ACVR2B: variants seen among roughly 807,000 people sequenced by gnomAD.
ACVR2B encodes the protein activin receptor type-2B.
Under a neutral mutation model 65.1 loss-of-function variants are expected in ACVR2B, and 18 were observed. The ratio of observed to expected loss-of-function variants is 0.28; its 90% CI spans 0.19 to 0.41. The LOEUF (loss-of-function observed/expected upper bound fraction) is 0.41, where lower values mean the gene tolerates loss of function less well. Ranked by LOEUF, ACVR2B falls within the 10% of genes least tolerant of loss-of-function variation. The pLI is 1.00. For missense variants in ACVR2B, 482 were observed against 682.7 expected (o/e 0.71, Z 3.28); for synonymous variants, 298 against 277.7 (o/e 1.07, Z -0.73).
intron 1 of ACVR2B, among the ~76,000 whole-genome samples, chr3:38,469,307 C>T (rs948594823): frequency 6.6e-6 from 1 of 152,144 alleles, no homozygotes; most frequent in Non-Finnish European, 1.5e-5. Flanking sequence ...ACTGCTGATT[C>T]CTTGGGGACT....
Position 38,477,162 on chromosome 3 carries a change from T to TG in ACVR2B, c.53-123dup. ...ACGTCCAGGGGTGAGTGCAGGAGGT[T>TG]GGTGACCCCAACCCACCACCCGGCC... On this transcript the variant is annotated intron_variant, in intron 1 of 10. Coordinates refer to ENST00000352511, the MANE Select transcript of ACVR2B (RefSeq NM_001106.4). The surrounding 1 kb of genome is among the most constrained non-coding windows in gnomAD (Gnocchi z 6.7). The TG allele has an allele frequency of 9.5e-7, 1 of 1,057,924 alleles. No homozygotes were observed. The highest frequency in any genetic ancestry group is 1.4e-6 in the Non-Finnish European group (1 of 711,330). The allele number at this position is 1,057,924 out of a possible 1,614,324, so 65.5% of individuals were successfully genotyped here.
At position 38,483,983 on chromosome 3, in the gene ACVR2B, G is replaced by C. The variant is rs756096743; in HGVS notation, c.*651G>C. The C allele has an allele frequency of 6.5e-6, 1 of 153,280 alleles. No homozygotes were observed. The highest frequency in any genetic ancestry group is 1.5e-5 in the Non-Finnish European group (1 of 68,588). 9.5% of individuals were successfully genotyped at this position (153,280 alleles called of 1,614,324 possible). ...GGAGTTGGAAGGGGAGGACGGTACTGGGGGTAGGGTTTGGAACAGAGCTAC... is the reference window on the plus strand; with the variant it reads ...GGAGTTGGAAGGGGAGGACGGTACTCGGGGTAGGGTTTGGAACAGAGCTAC... On this transcript the variant is annotated 3_prime_UTR_variant, in exon 11 of 11. Coordinates refer to ENST00000352511, the MANE Select transcript of ACVR2B (RefSeq NM_001106.4). This position sits in a 1 kb window ranked among gnomAD's most constrained non-coding sequence, Gnocchi z 4.8.
intron 1 of ACVR2B, among the ~76,000 whole-genome samples, chr3:38,472,162 C>T (rs936586607): frequency 6.6e-6 from 1 of 152,202 alleles, no homozygotes; most frequent in Non-Finnish European, 1.5e-5. Context: ...CAGGTTCCCT[C>T]CATCTCTACA....
chr3:38,491,245 G>C lies in ACVR2B; in HGVS notation c.*7913G>C, dbSNP rs927141781. The C allele has an allele frequency of 6.6e-6, 1 of 152,590 alleles. No homozygotes were observed. Among genetic ancestry groups the C allele is most frequent in the African/African-American group, 2.4e-5 (1 of 41,438 alleles). The allele number at this position is 152,590 out of a possible 1,614,324, so 9.5% of individuals were successfully genotyped here. ...TAATTAACCAGCAGTCACCGCATCT[G>C]AATTTTTGTCTCTGGGGCATAGATG... On this transcript the variant is annotated 3_prime_UTR_variant, in exon 11 of 11. Coordinates refer to ENST00000352511, the MANE Select transcript of ACVR2B (RefSeq NM_001106.4).
At chr3:38,466,798 C>T (rs764603187) in intron 1 of ACVR2B, among the ~76,000 whole-genome samples, 19 of 152,106 alleles carry the variant, frequency 1.2e-4, no homozygotes, top group African/African-American at 3.6e-4. Flanking sequence ...CCACCACGCC[C>T]GGCCTACAAA....
intron 1 of ACVR2B, chr3:38,476,648 GC>G (rs1051965122): frequency 1.9e-5 from 3 of 158,632 alleles, no homozygotes; most frequent in Admixed American, 1.8e-4. Flanking sequence ...GGGCTTGGGG[GC>G]AGAGACAGGA....
rs1666917654 is a variant in ACVR2B, at chr3:38,492,810, CT to C, written c.*9479del. ...CACACACACACACACACACATACAC[CT>C]AAAATGGCCTAAAGCAGACATCCAT... On this transcript the variant is annotated 3_prime_UTR_variant, in exon 11 of 11. Coordinates refer to ENST00000352511, the MANE Select transcript of ACVR2B (RefSeq NM_001106.4). 3 of 126,722 alleles carry C rather than the reference CT, an allele frequency of 2.4e-5. No individual in the cohort carries two copies. The allele number at this position is 126,722 out of a possible 1,614,324, so 7.8% of individuals were successfully genotyped here.
Position 38,478,172 on chromosome 3 carries a change from C to G in ACVR2B, c.402C>G (p.Thr134=). 6.2e-7 allele frequency: 1 copy of G among 1,613,068 alleles called. No individual in the cohort carries two copies. Among genetic ancestry groups the G allele is most frequent in the Admixed American group, 1.7e-5 (1 of 60,016 alleles). ...VTYEPPPTAP[T]LLTVLAYSLL... is the part of the protein sequence containing the mutation. ...ACGAGCCACCCCCGACAGCCCCCAC[C>G]CTGCTCACGGTGCTGGCCTACTCAC... Residue 134 remains threonine (T), a synonymous_variant, in exon 4 of 11, where the codon ACC becomes ACG. Coordinates refer to ENST00000352511, the MANE Select transcript of ACVR2B (RefSeq NM_001106.4).
At chr3:38,455,702 GGGCGT>G (rs571681036) in intron 1 of ACVR2B, among the ~76,000 whole-genome samples, 207 of 152,358 alleles carry the variant, frequency 1.4e-3, no homozygotes, top group African/African-American at 4.6e-3. Context: ...GTATGGAAGA[GGGCGT>G]TGCAGCTCTC....
At chr3:38,471,123 A>G (rs1709810904) in intron 1 of ACVR2B, among the ~76,000 whole-genome samples, 2 of 152,220 alleles carry the variant, frequency 1.3e-5, no homozygotes, top group Admixed American at 6.5e-5. Flanking sequence ...GATAAAATGG[A>G]CTTTTTGGCA....
At chr3:38,466,368 T>C (rs926511206) in intron 1 of ACVR2B, among the ~76,000 whole-genome samples, 4 of 152,228 alleles carry the variant, frequency 2.6e-5, no homozygotes, top group Admixed American at 6.5e-5. Flanking sequence ...TGAATGTTCC[T>C]ACCACAAAGA....
Position 38,454,280 on chromosome 3 carries a change from C to G in ACVR2B, c.-43C>G. ...CGCGCCCCGGGAGCGCCGTGCGGCC[C>G]TGCCCGCGGGCTCCGGGTGTGCGCG... On this transcript the variant is annotated 5_prime_UTR_variant, in exon 1 of 11. Transcript: ENST00000352511. The G allele has an allele frequency of 8.1e-7, 1 of 1,234,676 alleles. No homozygotes were observed. The highest frequency in any genetic ancestry group is 1.0e-6 in the Non-Finnish European group (1 of 989,982). The allele number at this position is 1,234,676 out of a possible 1,614,324, so 76.5% of individuals were successfully genotyped here.
At chr3:38,480,248 A>G (rs1048938490) in intron 7 of ACVR2B, among the ~76,000 whole-genome samples, 10 of 152,162 alleles carry the variant, frequency 6.6e-5, no homozygotes, top group East Asian at 3.8e-4. Context: ...GGAAAACTCT[A>G]TGCTCCTAAG....
intron 1 of ACVR2B, among the ~76,000 whole-genome samples, chr3:38,464,912 G>T (rs1709704538): frequency 6.6e-6 from 1 of 151,980 alleles, no homozygotes; most frequent in African/African-American, 2.4e-5. Flanking sequence ...AATATATTCT[G>T]GGATTAATGG....
chr3:38,478,263 C>T lies in ACVR2B; in HGVS notation c.493C>T (p.Pro165Ser). Residue 165 changes from proline (P) to serine (S), a missense_variant, in exon 4 of 11, where the codon CCC (proline) becomes TCC (serine). Transcript: ENST00000352511. Reference sequence around the variant, plus strand: ...CTTTTGGATGTACCGGCATCGCAAGCCCCCCTACGGTCATGTGGACATCCA... The same window carrying T: ...CTTTTGGATGTACCGGCATCGCAAGTCCCCCTACGGTCATGTGGACATCCA... ...LAFWMYRHRK[P>S]PYGHVDIHED... The T allele has an allele frequency of 6.2e-7, 1 of 1,614,064 alleles. No individual in the cohort carries two copies. The highest frequency in any genetic ancestry group is 8.5e-7 in the Non-Finnish European group (1 of 1,180,006).
chr3:38,478,115 G>C, intron 3 of ACVR2B, 26 bp from the exon 4 acceptor site: 1 of 1,611,164 alleles, frequency 6.2e-7, no homozygotes, highest in Non-Finnish European at 8.5e-7. Flanking sequence ...CAGACTGTTT[G>C]ACACAGGGCT....
rs543459748 is a variant in ACVR2B, at chr3:38,471,178, A to T, written c.53-6109A>T. On this transcript the variant is annotated intron_variant, in intron 1 of 10. Transcript: ENST00000352511. Reference sequence around the variant, plus strand: ...GAAGAGGGTTACTATATAGTAAGAAAAATTTTATTACCAAGAATATATAAA... The same window carrying T: ...GAAGAGGGTTACTATATAGTAAGAATAATTTTATTACCAAGAATATATAAA... Among the ~76,000 whole-genome samples the T allele has an allele frequency of 1.1e-3, 168 of 152,352 alleles. 4 individuals are homozygous for T. In the South Asian group the frequency reaches 0.033, roughly 30 times the overall value.
chr3:38,482,079 C>A, intron 8 of ACVR2B, 119 bp from the exon 9 acceptor site: 1 of 1,322,234 alleles, frequency 7.6e-7, no homozygotes, highest in Non-Finnish European at 1.1e-6. Context: ...TCATTGATAA[C>A]CTGTCTGAAT....
intron 1 of ACVR2B, chr3:38,476,684 T>C (rs2125721778): frequency 6.2e-6 from 1 of 161,466 alleles, no homozygotes; most frequent in Non-Finnish European, 1.4e-5. Flanking sequence ...CTCCCCTTTG[T>C]AGTTTTCCCA....
Sources: gnomAD v4.1 joint callset for allele counts (sites outside exome capture counted in the v4.1 genomes callset) on GRCh38, gnomAD v4.1.1 for gene constraint, Gnocchi (gnomAD v3.1) non-coding constraint, MANE v1.5 for transcripts, NCBI Gene and HGNC (gene_info 2026-07-23, HGNC 2026-07-21) for gene names.